The following ZSWIM6 variants were observed in gnomAD, a reference collection of about 807,000 sequenced individuals.
ZSWIM6 encodes the protein zinc finger SWIM-type containing 6, also known as zinc finger SWIM domain-containing protein 6.
ZSWIM6 carries 9 observed loss-of-function variants against 113.2 expected under a neutral mutation model. The observed-to-expected ratio is 0.08, with a 90% CI of 0.05 to 0.14. The LOEUF is 0.14. Ranked by LOEUF, ZSWIM6 falls within the 10% of genes least tolerant of loss-of-function variation. ZSWIM6 has a pLI of 1.00. For synonymous variants in ZSWIM6, 611 were observed against 606.5 expected (o/e 1.01, Z -0.11); for missense variants, 1,162 against 1,552.2 (o/e 0.75, Z 4.22).
At chr5:61,512,840 GT>G in intron 4 of ZSWIM6, among the ~76,000 whole-genome samples, 1 of 151,938 alleles carries the variant, frequency 6.6e-6, no homozygotes, top group East Asian at 1.9e-4. Flanking sequence ...TTTTAAAGCA[GT>G]TTTAGATTCA....
chr5:61,391,109 C>A, intron 1 of ZSWIM6: 1 of 750,452 alleles, frequency 1.3e-6, no homozygotes, highest in South Asian at 1.4e-5. Context: ...TGCTGTGTCC[C>A]AGTACAGGCC....
At chr5:61,427,240 T>C (rs1268941302) in intron 1 of ZSWIM6, among the ~76,000 whole-genome samples, 1 of 152,246 alleles carries the variant, frequency 6.6e-6, no homozygotes, top group Non-Finnish European at 1.5e-5. Flanking sequence ...AGGAACCTTG[T>C]GGATATCAAA....
chr5:61,374,938 T>G (rs565484026), intron 1 of ZSWIM6, among the ~76,000 whole-genome samples: 3 of 152,318 alleles, frequency 2.0e-5, no homozygotes, highest in South Asian at 4.1e-4. Flanking sequence ...ACAGGAATTT[T>G]TTTTTGGCTT....
chr5:61,538,967 C>T lies in ZSWIM6; in HGVS notation c.2535C>T (p.Ala845=). 6.4e-7 allele frequency: 1 copy of T among 1,551,214 alleles called. No individual in the cohort carries two copies. Among genetic ancestry groups the T allele is most frequent in the Non-Finnish European group, 8.7e-7 (1 of 1,146,664 alleles). Residue 845 remains alanine, a synonymous_variant, in exon 11 of 14, where the codon GCC becomes GCT. Transcript: ENST00000252744. The part of the protein sequence containing the change: ...CELASTMLTA[A]KGDVRRLETV... Reference sequence around the variant, plus strand: ...TGGCATCCACCATGCTAACTGCAGCCAAAGGTACTGTACTGTCCTGAGGCC... The same window carrying T: ...TGGCATCCACCATGCTAACTGCAGCTAAAGGTACTGTACTGTCCTGAGGCC...
chr5:61,361,361 G>A (rs188311745), intron 1 of ZSWIM6, among the ~76,000 whole-genome samples: 97 of 152,160 alleles, frequency 6.4e-4, no homozygotes, highest in Admixed American at 2.9e-3. Context: ...GGATCACCTG[G>A]AAAAATCTCC....
intron 1 of ZSWIM6, among the ~76,000 whole-genome samples, chr5:61,334,502 CT>C (rs989862747): frequency 3.0e-4 from 46 of 152,138 alleles, no homozygotes; most frequent in African/African-American, 1.1e-3. Flanking sequence ...TTTTATCCTT[CT>C]TTTCTTTGGA....
chr5:61,375,303 A>C, intron 1 of ZSWIM6: 1 of 1,609,062 alleles, frequency 6.2e-7, no homozygotes, highest in Non-Finnish European at 8.5e-7. Context: ...TTGAAGAAAA[A>C]ATGAATGAGA....
chr5:61,339,076 A>T (rs1744472608), intron 1 of ZSWIM6, among the ~76,000 whole-genome samples: 2 of 152,194 alleles, frequency 1.3e-5, no homozygotes, highest in Non-Finnish European at 2.9e-5. Context: ...ATGGACCAGC[A>T]TCTCTTTCTG....
intron 4 of ZSWIM6, among the ~76,000 whole-genome samples, chr5:61,520,704 A>T (rs1366862732): frequency 1.3e-5 from 2 of 152,164 alleles, no homozygotes; most frequent in African/African-American, 2.4e-5. Flanking sequence ...AACATAATAA[A>T]GTTTGAAATT....
chr5:61,521,193 A>T, intron 4 of ZSWIM6, 70 bp from the exon 5 acceptor site: 1 of 991,774 alleles, frequency 1.0e-6, no homozygotes, highest in Non-Finnish European at 1.3e-6. Context: ...AATTTAAACA[A>T]TTTAACTTGA....
intron 4 of ZSWIM6, among the ~76,000 whole-genome samples, chr5:61,497,122 A>G (rs1580041174): frequency 1.3e-5 from 2 of 152,088 alleles, no homozygotes; most frequent in Non-Finnish European, 2.9e-5. Context: ...AAAAAAAAAA[A>G]AAGATTCCTG....
chr5:61,416,341 G>T (rs966255035), intron 1 of ZSWIM6, among the ~76,000 whole-genome samples: 4 of 152,152 alleles, frequency 2.6e-5, no homozygotes, highest in African/African-American at 9.7e-5. Flanking sequence ...CCGCAGAAAC[G>T]ATGAGACTTC....
chr5:61,401,874 T>G (rs1415996310), intron 1 of ZSWIM6, among the ~76,000 whole-genome samples: 2 of 152,234 alleles, frequency 1.3e-5, no homozygotes, highest in East Asian at 3.8e-4. Context: ...CCAAGCATTT[T>G]ATGAATCAGC....
intron 1 of ZSWIM6, among the ~76,000 whole-genome samples, chr5:61,333,429 C>T (rs1744312787): frequency 6.6e-6 from 1 of 151,894 alleles, no homozygotes. Context: ...CTGCCTGTCG[C>T]TCGCTCCTTT....
Position 61,441,424 on chromosome 5 carries a change from G to C in ZSWIM6, c.677-31257G>C, listed in dbSNP as rs182566918. ...GGAGTGATAAGGAAGAGCTTAATAA[G>C]CTCAATCTTTGCCTTATAGGGTGGT... On this transcript the variant is annotated intron_variant, in intron 1 of 13. Coordinates refer to ENST00000252744, the MANE Select transcript of ZSWIM6 (RefSeq NM_020928.2). 3.2e-3 allele frequency among the ~76,000 whole-genome samples: 491 copies of C among 152,206 alleles called. 3 individuals carry two copies. Among genetic ancestry groups the C allele is most frequent in the Non-Finnish European group, 4.3e-3 (291 of 68,020 alleles).
rs546152335 is a variant in ZSWIM6 at position 61,513,608 on chromosome 5, AT to A, written c.1334-7648del. On this transcript the variant is annotated intron_variant, in intron 4 of 13. Coordinates refer to ENST00000252744, the MANE Select transcript of ZSWIM6 (RefSeq NM_020928.2). ...TTTTTCTAGCAGTTTTATGGTTTTA[AT>A]TTTTTTATTTAGGTTCATGATCCAC... Among the ~76,000 whole-genome samples the A allele has an allele frequency of 3.0e-3, 450 of 151,988 alleles. 4 individuals are homozygous for A. Among genetic ancestry groups the A allele is most frequent in the African/African-American group, 0.01 (422 of 41,492 alleles).
At chr5:61,440,501 A>G (rs1746804088) in intron 1 of ZSWIM6, among the ~76,000 whole-genome samples, 1 of 152,186 alleles carries the variant, frequency 6.6e-6, no homozygotes, top group Admixed American at 6.5e-5. Flanking sequence ...AGGAGAAAGA[A>G]TGTCATGAGT....
intron 1 of ZSWIM6, among the ~76,000 whole-genome samples, chr5:61,381,318 C>T (rs993324612): frequency 2.4e-4 from 36 of 152,154 alleles, no homozygotes; most frequent in Admixed American, 6.5e-4. Context: ...CCTGTAGTCC[C>T]TGCTATGTGT....
intron 4 of ZSWIM6, among the ~76,000 whole-genome samples, chr5:61,515,238 C>G (rs539154688): frequency 1.3e-5 from 2 of 152,258 alleles, no homozygotes; most frequent in South Asian, 2.1e-4. Flanking sequence ...AAGCAATTCC[C>G]CTGTCTCAGC....
Sources: gnomAD v4.1 joint callset for allele counts (sites outside exome capture counted in the v4.1 genomes callset) on GRCh38, gnomAD v4.1.1 for gene constraint, MANE v1.5 for transcripts, NCBI Gene and HGNC (gene_info 2026-07-23, HGNC 2026-07-21) for gene names.